The following BMPER variants were observed in gnomAD, a reference collection of about 807,000 sequenced individuals.
The protein encoded by BMPER is BMP-binding endothelial regulator protein.
In BMPER, 45 loss-of-function variants were observed where a neutral mutation model predicts 87.3. The observed-to-expected ratio is 0.52, with a 90% CI of 0.41 to 0.66. The LOEUF (loss-of-function observed/expected upper bound fraction) is 0.66, where lower values mean the gene tolerates loss of function less well. BMPER is among the 30% of genes least tolerant of loss of function. The probability of loss-of-function intolerance (pLI) is 0.00; values close to 1 mark genes in which losing one functional copy is unlikely to be tolerated. For missense variants in BMPER, 784 were observed against 867.5 expected (o/e 0.90, Z 1.21); for synonymous variants, 326 against 316.2 (o/e 1.03, Z -0.33).
intron 10 of BMPER, 57 bp downstream of exon 10, chr7:34,058,220 TGG>T: frequency 1.3e-6 from 2 of 1,503,876 alleles, no homozygotes; most frequent in South Asian, 2.3e-5. Context: ...GTCCTGTGTG[TGG>T]CACAGTCGCA....
At chr7:34,009,679 G>A (rs572626767) in intron 6 of BMPER, among the ~76,000 whole-genome samples, 26 of 152,054 alleles carry the variant, frequency 1.7e-4, no homozygotes, top group African/African-American at 6.3e-4. Context: ...AAGAGGGGAG[G>A]CATCCTTGGA....
intron 2 of BMPER, 151 bp from the exon 3 acceptor site, chr7:33,937,138 G>A: frequency 1.3e-6 from 1 of 777,166 alleles, no homozygotes; most frequent in Admixed American, 2.0e-5. Context: ...TTCTGTTTCA[G>A]AGATGGCAAA....
At chr7:34,014,853 T>C (rs1013348665) in intron 6 of BMPER, among the ~76,000 whole-genome samples, 3 of 151,952 alleles carry the variant, frequency 2.0e-5, no homozygotes, top group African/African-American at 7.2e-5. Context: ...ATCCATTTTC[T>C]TTTATCACTA....
At chr7:34,134,572 G>C (rs1187703386) in intron 13 of BMPER, among the ~76,000 whole-genome samples, 1 of 152,144 alleles carries the variant, frequency 6.6e-6, no homozygotes, top group Non-Finnish European at 1.5e-5. Context: ...CTTGAGCAAA[G>C]ATAGCTTAAC....
chr7:34,003,116 G>T (rs1170949373), intron 6 of BMPER, among the ~76,000 whole-genome samples: 1 of 151,448 alleles, frequency 6.6e-6, no homozygotes, highest in Non-Finnish European at 1.5e-5. Flanking sequence ...CATATTTTGT[G>T]TTAAGTAGAA....
At chr7:33,976,329 T>G (rs1193796848) in intron 6 of BMPER, among the ~76,000 whole-genome samples, 1 of 151,830 alleles carries the variant, frequency 6.6e-6, no homozygotes, top group Non-Finnish European at 1.5e-5. Flanking sequence ...ATTTTTGTAT[T>G]TTTAGTAGAA....
intron 5 of BMPER, among the ~76,000 whole-genome samples, chr7:33,971,687 TA>T (rs1402470572): frequency 6.6e-6 from 1 of 152,082 alleles, no homozygotes; most frequent in Non-Finnish European, 1.5e-5. Context: ...GAAAAATCCT[TA>T]AAAAAATCAA....
chr7:33,910,991 T>C (rs149010661), intron 2 of BMPER, among the ~76,000 whole-genome samples: 22 of 152,356 alleles, frequency 1.4e-4, no homozygotes, highest in African/African-American at 5.1e-4. Flanking sequence ...CATGTGTGTA[T>C]GCACGTGTGA....
chr7:33,933,464 A>C (rs906266764), intron 2 of BMPER, among the ~76,000 whole-genome samples: 12 of 128,244 alleles, frequency 9.4e-5, no homozygotes, highest in African/African-American at 3.2e-4. Context: ...TTTTTTTTAG[A>C]GTATTCTGAC....
intron 13 of BMPER, among the ~76,000 whole-genome samples, chr7:34,129,787 C>G (rs1790533071): frequency 6.6e-6 from 1 of 152,096 alleles, no homozygotes; most frequent in South Asian, 2.1e-4. Flanking sequence ...TCTCTAGTGG[C>G]TTTCATCTTG....
At chr7:34,107,913 C>A (rs1464323839) in intron 13 of BMPER, among the ~76,000 whole-genome samples, 1 of 152,142 alleles carries the variant, frequency 6.6e-6, no homozygotes, top group Non-Finnish European at 1.5e-5. Flanking sequence ...CCTCAATCTC[C>A]TTATCTATAA....
At chr7:34,116,032 G>C (rs182389450) in intron 13 of BMPER, among the ~76,000 whole-genome samples, 3 of 152,234 alleles carry the variant, frequency 2.0e-5, no homozygotes, top group African/African-American at 7.2e-5. Flanking sequence ...TTTTATTATA[G>C]TTTTGGTTTG....
chr7:34,056,849 C>G (rs1206670248), intron 9 of BMPER, among the ~76,000 whole-genome samples: 2 of 152,178 alleles, frequency 1.3e-5, no homozygotes, highest in Non-Finnish European at 2.9e-5. Flanking sequence ...AACTCCCGAC[C>G]TTGTCGTCCA....
chr7:33,942,309 C>A (rs149056894), intron 3 of BMPER, among the ~76,000 whole-genome samples: 79 of 152,276 alleles, frequency 5.2e-4, no homozygotes, highest in African/African-American at 1.9e-3. Context: ...AAAACAGCAG[C>A]AGGTAGTACT....
chr7:34,015,754 T>C (rs1457551745), intron 6 of BMPER, among the ~76,000 whole-genome samples: 1 of 151,890 alleles, frequency 6.6e-6, no homozygotes, highest in African/African-American at 2.4e-5. Flanking sequence ...TGGAACAATG[T>C]TATGGGACTG....
chr7:33,920,935 T>C (rs537796984), intron 2 of BMPER, among the ~76,000 whole-genome samples: 1 of 152,338 alleles, frequency 6.6e-6, no homozygotes, highest in East Asian at 1.9e-4. Flanking sequence ...GTTTACGTAA[T>C]GTTGCTTTCG....
intron 13 of BMPER, among the ~76,000 whole-genome samples, chr7:34,105,963 T>C (rs1199233336): frequency 6.6e-6 from 1 of 152,182 alleles, no homozygotes; most frequent in African/African-American, 2.4e-5. Flanking sequence ...CCAAAGCCTG[T>C]CTTCCAGATG....
chr7:33,936,743 TGTC>T, intron 2 of BMPER, among the ~76,000 whole-genome samples: 1 of 152,224 alleles, frequency 6.6e-6, no homozygotes, highest in Non-Finnish European at 1.5e-5. Flanking sequence ...CTGACGTCCA[TGTC>T]TCTGCTTGGC....
At chr7:33,933,567 A>G (rs1784530577) in intron 2 of BMPER, among the ~76,000 whole-genome samples, 1 of 151,404 alleles carries the variant, frequency 6.6e-6, no homozygotes, top group Non-Finnish European at 1.5e-5. Flanking sequence ...GTGTTTGAGG[A>G]TGCCAGTCTG....
Sources: allele counts gnomAD v4.1 joint callset (sites outside exome capture counted in the v4.1 genomes callset), GRCh38; gene constraint gnomAD v4.1.1; transcripts MANE v1.5; gene names NCBI Gene and HGNC (gene_info 2026-07-23, HGNC 2026-07-21).